The following RARRES1 variants were observed in gnomAD, a reference collection of about 807,000 sequenced individuals.
RARRES1 encodes the protein retinoic acid receptor responder 1.
Under a neutral mutation model 30.6 loss-of-function variants are expected in RARRES1, and 34 were observed. That is an observed-to-expected ratio of 1.11 (90% CI 0.84 to 1.48). RARRES1 has a LOEUF of 1.48. Ranked by LOEUF, RARRES1 falls within the 40% of genes most tolerant of loss-of-function variation. RARRES1 has a pLI of 0.00. For missense variants in RARRES1, 373 were observed against 386.5 expected (o/e 0.97, Z 0.29); for synonymous variants, 153 against 155.5 (o/e 0.98, Z 0.12).
intron 3 of RARRES1, among the ~76,000 whole-genome samples, 198 bp downstream of exon 3, chr3:158,710,537 TTGG>T (rs1727086227): frequency 6.6e-6 from 1 of 152,090 alleles, no homozygotes; most frequent in South Asian, 2.1e-4. Context: ...ATACATGCTG[TTGG>T]TGGAGTTACT....
At chr3:158,708,447 C>A (rs1351318287) in intron 3 of RARRES1, among the ~76,000 whole-genome samples, 2 of 152,164 alleles carry the variant, frequency 1.3e-5, no homozygotes, top group Non-Finnish European at 2.9e-5. Flanking sequence ...ATTCCCAGGT[C>A]TTCAATCTTT....
intron 1 of RARRES1, among the ~76,000 whole-genome samples, chr3:158,716,827 G>A (rs898421739): frequency 6.6e-6 from 1 of 152,134 alleles, no homozygotes; most frequent in Non-Finnish European, 1.5e-5. Flanking sequence ...CAGGCAATCC[G>A]CCTGCCTCGG....
intron 1 of RARRES1, among the ~76,000 whole-genome samples, chr3:158,725,721 G>T (rs1444866782): frequency 6.6e-6 from 1 of 152,262 alleles, no homozygotes; most frequent in African/African-American, 2.4e-5. Flanking sequence ...TAGCTTAGGA[G>T]ATTGAGGCAA....
rs547049873 is a variant in RARRES1 at position 158,699,989 on chromosome 3, C to T, written c.673-2019G>A. 2.0e-5 allele frequency among the ~76,000 whole-genome samples: 3 copies of T among 152,170 alleles called. No individual in the cohort carries two copies. In the South Asian group the frequency reaches 6.2e-4, roughly 32 times the overall value. ...TATTTGTCTCAGACTTTTGTGCTGTCTGCACTATTTTTCAAGTCTTGACTG... is the reference window on the plus strand; with the variant it reads ...TATTTGTCTCAGACTTTTGTGCTGTTTGCACTATTTTTCAAGTCTTGACTG... On this transcript the variant is annotated intron_variant, in intron 4 of 5. Transcript: ENST00000237696.
intron 1 of RARRES1, among the ~76,000 whole-genome samples, chr3:158,721,513 G>A (rs1727509199): frequency 6.6e-6 from 1 of 152,230 alleles, no homozygotes; most frequent in African/African-American, 2.4e-5. Flanking sequence ...TCTAAGGGTT[G>A]CAGGTAGGAA....
In RARRES1 at chr3:158,723,656, A is replaced by G. The variant is rs560735062; in HGVS notation, c.276+8484T>C. On this transcript the variant is annotated intron_variant, in intron 1 of 5. Transcript: ENST00000237696. The surrounding 1 kb of genome is among the most constrained non-coding windows in gnomAD (Gnocchi z 4.4). ...TACTGTGTGTCCTCTCTCTCAGCCA[A>G]CCCTGGGTCCCACGTTCTTGATTTG... Among the ~76,000 whole-genome samples the G allele has an allele frequency of 6.6e-6, 1 of 152,306 alleles. No individual in the cohort carries two copies. The highest frequency in any genetic ancestry group is 1.5e-5 in the Non-Finnish European group (1 of 68,032).
intron 1 of RARRES1, among the ~76,000 whole-genome samples, chr3:158,714,869 A>C (rs981977981): frequency 5.3e-5 from 8 of 152,254 alleles, no homozygotes; most frequent in Non-Finnish European, 1.0e-4. Flanking sequence ...TAGCGTAGCA[A>C]TTCAATAAAC....
At chr3:158,707,710 T>C (rs936151882) in intron 3 of RARRES1, among the ~76,000 whole-genome samples, 3 of 152,170 alleles carry the variant, frequency 2.0e-5, no homozygotes, top group Non-Finnish European at 4.4e-5. Flanking sequence ...TGCAGTAAGA[T>C]GTTAGAAATA....
intron 1 of RARRES1, among the ~76,000 whole-genome samples, chr3:158,729,980 A>G (rs1309322298): frequency 2.0e-5 from 3 of 152,148 alleles, no homozygotes; most frequent in Non-Finnish European, 4.4e-5. Flanking sequence ...CTGTTGGACT[A>G]GGAAAACTGA....
intron 2 of RARRES1, among the ~76,000 whole-genome samples, chr3:158,711,937 T>A (rs1233567988): frequency 1.3e-5 from 2 of 152,196 alleles, no homozygotes; most frequent in South Asian, 4.1e-4. Context: ...GGGATCTCCC[T>A]CACTTATTTT....
intron 1 of RARRES1, among the ~76,000 whole-genome samples, chr3:158,718,092 C>T (rs779227905): frequency 1.3e-5 from 2 of 151,842 alleles, no homozygotes; most frequent in East Asian, 1.9e-4. Context: ...AATTCTCCTG[C>T]CTCAGTCTCC....
At chr3:158,718,558 G>A (rs1252587175) in intron 1 of RARRES1, among the ~76,000 whole-genome samples, 1 of 152,200 alleles carries the variant, frequency 6.6e-6, no homozygotes, top group African/African-American at 2.4e-5. Flanking sequence ...GGGGCTTTAC[G>A]ACTGCAGTCT....
chr3:158,707,844 A>G (rs556443813), intron 3 of RARRES1, among the ~76,000 whole-genome samples: 1 of 152,376 alleles, frequency 6.6e-6, no homozygotes, highest in Non-Finnish European at 1.5e-5. Flanking sequence ...GACATGTATA[A>G]GTTTTTTGGT....
intron 1 of RARRES1, among the ~76,000 whole-genome samples, chr3:158,727,113 C>T (rs1727719802): frequency 6.6e-6 from 1 of 152,190 alleles, no homozygotes; most frequent in Admixed American, 6.5e-5. Flanking sequence ...GGGGAGCCTG[C>T]AAAACCATGA....
chr3:158,717,013 G>C (rs956390278), intron 1 of RARRES1, among the ~76,000 whole-genome samples: 6 of 152,204 alleles, frequency 3.9e-5, no homozygotes, highest in Non-Finnish European at 8.8e-5. Context: ...CCCTTCCTCT[G>C]AGTCACAAGA....
At chr3:158,719,016 A>G (rs1035104731) in intron 1 of RARRES1, among the ~76,000 whole-genome samples, 4 of 152,212 alleles carry the variant, frequency 2.6e-5, no homozygotes, top group Non-Finnish European at 5.9e-5. Flanking sequence ...TCTGTGAAAC[A>G]GATCAGGAAA....
rs1340435736 is a variant in RARRES1 at position 158,732,301 on chromosome 3, C to T, written c.115G>A (p.Gly39Arg). 2 of 1,344,540 alleles carry T rather than the reference C, an allele frequency of 1.5e-6. No individual in the cohort carries two copies. The highest frequency in any genetic ancestry group is 1.5e-5 in the African/African-American group (1 of 64,736). 83.3% of individuals were successfully genotyped at this position (1,344,540 alleles called of 1,614,324 possible). ...CCAGGGTCGTCGGGGTCCCCGGACCCCGCGGGCGCCGCCACCGGGGCGAGC... is the reference window on the plus strand; with the variant it reads ...CCAGGGTCGTCGGGGTCCCCGGACCTCGCGGGCGCCGCCACCGGGGCGAGC... ...LLLAPVAAPA[G>R]SGDPDDPGQP... The change falls in exon 1 of 6, where the codon GGG (glycine) becomes AGG (arginine). Residue 39 changes from glycine to arginine, a missense_variant. Coordinates refer to ENST00000237696, the MANE Select transcript of RARRES1 (RefSeq NM_206963.2).
Position 158,700,890 on chromosome 3 carries a change from G to A in RARRES1, c.673-2920C>T, listed in dbSNP as rs569270897. Among the ~76,000 whole-genome samples, 3 of 151,350 alleles carry A rather than the reference G, an allele frequency of 2.0e-5. No individual in the cohort carries two copies. In the South Asian group the frequency reaches 6.3e-4, roughly 32 times the overall value. ...TTGGTCATAACCCAACCCACCCCAT[G>A]CCCCTCCACCCTGCTTCCCCCAAAA... On this transcript the variant is annotated intron_variant, in intron 4 of 5. Transcript: ENST00000237696.
At chr3:158,725,616 T>C (rs1294847156) in intron 1 of RARRES1, among the ~76,000 whole-genome samples, 1 of 152,042 alleles carries the variant, frequency 6.6e-6, no homozygotes, top group Non-Finnish European at 1.5e-5. Flanking sequence ...GTGGAAAATG[T>C]CGTGGGCTGG....
Sources: allele counts gnomAD v4.1 joint callset (sites outside exome capture counted in the v4.1 genomes callset), GRCh38; gene constraint gnomAD v4.1.1; non-coding constraint Gnocchi (gnomAD v3.1); transcripts MANE v1.5; gene names NCBI Gene and HGNC (gene_info 2026-07-23, HGNC 2026-07-21).